The following RSRC1 variants were observed in gnomAD, a reference collection of about 807,000 sequenced individuals.
The protein encoded by RSRC1 is arginine and serine rich coiled-coil 1, also known as serine/Arginine-related protein 53.
Under a neutral mutation model 49.1 loss-of-function variants are expected in RSRC1, and 39 were observed. The observed-to-expected ratio is 0.79, with a 90% CI of 0.61 to 1.04. The LOEUF is 1.04. RSRC1 is among the 50% of genes least tolerant of loss of function. RSRC1 has a pLI of 0.00. For synonymous variants in RSRC1, 143 were observed against 130.8 expected, an observed-to-expected ratio of 1.09 and a Z score of -0.63; for missense variants, 388 against 402.4, an observed-to-expected ratio of 0.96 and a Z score of 0.31.
intron 7 of RSRC1, among the ~76,000 whole-genome samples, chr3:158,461,876 G>C (rs1011545817): frequency 2.0e-5 from 3 of 151,312 alleles, no homozygotes; most frequent in Non-Finnish European, 4.4e-5. Flanking sequence ...GTGTTTTATT[G>C]TAACAACCAG....
At chr3:158,296,240 T>C (rs1727231119) in intron 4 of RSRC1, among the ~76,000 whole-genome samples, 2 of 152,078 alleles carry the variant, frequency 1.3e-5, no homozygotes, top group Non-Finnish European at 1.5e-5. Context: ...GACTCTAAGA[T>C]AGATTGCCAA....
intron 3 of RSRC1, among the ~76,000 whole-genome samples, chr3:158,156,905 C>T (rs1013639561): frequency 1.4e-4 from 21 of 152,264 alleles, no homozygotes; most frequent in African/African-American, 5.1e-4. Context: ...AAATGTAACA[C>T]AGAGACACTA....
intron 5 of RSRC1, among the ~76,000 whole-genome samples, chr3:158,346,767 A>G (rs1393885736): frequency 6.6e-6 from 1 of 152,240 alleles, no homozygotes; most frequent in African/African-American, 2.4e-5. Context: ...TCAATTATAG[A>G]TATTTACCCA....
chr3:158,427,787 A>C (rs1735537464), intron 6 of RSRC1, among the ~76,000 whole-genome samples: 1 of 151,748 alleles, frequency 6.6e-6, no homozygotes, highest in South Asian at 2.1e-4. Context: ...ACAGAATTTT[A>C]GATAACATAA....
intron 7 of RSRC1, among the ~76,000 whole-genome samples, chr3:158,524,644 A>T (rs1711896793): frequency 6.6e-6 from 1 of 152,016 alleles, no homozygotes; most frequent in African/African-American, 2.4e-5. Flanking sequence ...CAAAATTGAA[A>T]TCCATACCGT....
At chr3:158,116,297 A>G (rs899232505) in intron 1 of RSRC1, among the ~76,000 whole-genome samples, 4 of 152,198 alleles carry the variant, frequency 2.6e-5, no homozygotes, top group African/African-American at 9.7e-5. Context: ...CTGCATAATT[A>G]TAGTGAGTTT....
chr3:158,482,278 A>G (rs761669234), intron 7 of RSRC1, among the ~76,000 whole-genome samples: 1 of 152,084 alleles, frequency 6.6e-6, no homozygotes, highest in Non-Finnish European at 1.5e-5. Context: ...ATAAATTAAT[A>G]CCAAATTGAA....
At chr3:158,196,798 T>G (rs1720650027) in intron 3 of RSRC1, among the ~76,000 whole-genome samples, 1 of 152,214 alleles carries the variant, frequency 6.6e-6, no homozygotes, top group African/African-American at 2.4e-5. Context: ...TATGCTGGAT[T>G]ATGCTTATTG....
intron 4 of RSRC1, among the ~76,000 whole-genome samples, chr3:158,262,819 T>G (rs1724976000): frequency 6.6e-6 from 1 of 152,116 alleles, no homozygotes; most frequent in Non-Finnish European, 1.5e-5. Flanking sequence ...AAATTATTTA[T>G]ATATATTTAA....
intron 6 of RSRC1, among the ~76,000 whole-genome samples, chr3:158,432,892 ATG>A (rs2108359909): frequency 1.3e-5 from 2 of 150,306 alleles, no homozygotes; most frequent in Admixed American, 1.3e-4. Context: ...GAGTGAGTCT[ATG>A]TATATATACT....
At chr3:158,415,093 C>T (rs1164439474) in intron 6 of RSRC1, among the ~76,000 whole-genome samples, 1 of 152,126 alleles carries the variant, frequency 6.6e-6, no homozygotes, top group Non-Finnish European at 1.5e-5. Context: ...TCCATAGTTC[C>T]TGTATATGTG....
At chr3:158,163,538 G>A (rs1000340699) in intron 3 of RSRC1, among the ~76,000 whole-genome samples, 1 of 152,014 alleles carries the variant, frequency 6.6e-6, no homozygotes, top group African/African-American at 2.4e-5. Flanking sequence ...TCTGAATTAC[G>A]TACTTTTTTT....
intron 4 of RSRC1, among the ~76,000 whole-genome samples, chr3:158,220,356 C>T (rs953600122): frequency 6.6e-6 from 1 of 151,518 alleles, no homozygotes; most frequent in Non-Finnish European, 1.5e-5. Flanking sequence ...CTTTGGGCCT[C>T]AGTCCATCTG....
intron 3 of RSRC1, among the ~76,000 whole-genome samples, chr3:158,151,403 A>G (rs1559920301): frequency 6.6e-6 from 1 of 152,170 alleles, no homozygotes; most frequent in Non-Finnish European, 1.5e-5. Flanking sequence ...TTTTGGGGAT[A>G]TGGAGGGCAC....
At chr3:158,500,047 C>T (rs183603598) in intron 7 of RSRC1, among the ~76,000 whole-genome samples, 12 of 152,160 alleles carry the variant, frequency 7.9e-5, no homozygotes, top group Admixed American at 3.9e-4. Flanking sequence ...CCTTGTATGC[C>T]GATTTTGCTG....
At chr3:158,169,558 C>A (rs753467775) in intron 3 of RSRC1, among the ~76,000 whole-genome samples, 1 of 152,080 alleles carries the variant, frequency 6.6e-6, no homozygotes, top group Admixed American at 6.5e-5. Context: ...AGATTATATT[C>A]TCTTTAAACT....
At chr3:158,412,054 AGAT>A (rs1368294030) in intron 6 of RSRC1, among the ~76,000 whole-genome samples, 2 of 152,170 alleles carry the variant, frequency 1.3e-5, no homozygotes, top group East Asian at 3.9e-4. Context: ...AGATAGTTAA[AGAT>A]GATACCTATA....
intron 4 of RSRC1, among the ~76,000 whole-genome samples, chr3:158,204,068 A>T (rs1342006266): frequency 6.6e-6 from 1 of 152,104 alleles, no homozygotes; most frequent in Non-Finnish European, 1.5e-5. Context: ...TATTTATTGT[A>T]ATACTTCAAT....
chr3:158,473,253 G>A (rs1738217303), intron 7 of RSRC1, among the ~76,000 whole-genome samples: 1 of 152,012 alleles, frequency 6.6e-6, no homozygotes, highest in African/African-American at 2.4e-5. Flanking sequence ...GCAAAGACTT[G>A]GAACCAACCC....
Sources: gnomAD v4.1 joint callset for allele counts (sites outside exome capture counted in the v4.1 genomes callset) on GRCh38, gnomAD v4.1.1 for gene constraint, MANE v1.5 for transcripts, NCBI Gene and HGNC (gene_info 2026-07-23, HGNC 2026-07-21) for gene names.